Variants in TMEM132D observed in about 807,000 individuals in gnomAD.
The protein encoded by TMEM132D is transmembrane protein 132D, also known as mature OL transmembrane protein.
Under a neutral mutation model 62.3 loss-of-function variants are expected in TMEM132D, and 21 were observed. The observed-to-expected ratio is 0.34, with a 90% CI of 0.24 to 0.49. The LOEUF is 0.49. Ranked by LOEUF, TMEM132D falls within the 20% of genes least tolerant of loss-of-function variation. The pLI, the probability that TMEM132D is intolerant of heterozygous loss-of-function variation, is 0.99. For missense variants in TMEM132D, 1,346 were observed against 1,402.8 expected, an observed-to-expected ratio of 0.96 and a Z score of 0.65; for synonymous variants, 621 against 575.6, an observed-to-expected ratio of 1.08 and a Z score of -1.13.
intron 4 of TMEM132D, among the ~76,000 whole-genome samples, chr12:129,268,331 T>A (rs1880753253): frequency 6.6e-6 from 1 of 151,930 alleles, no homozygotes; most frequent in Non-Finnish European, 1.5e-5. Context: ...CTCAAACAAA[T>A]TTACAAGAAA....
intron 4 of TMEM132D, among the ~76,000 whole-genome samples, chr12:129,222,921 A>C (rs1879385817): frequency 6.6e-6 from 1 of 152,006 alleles, no homozygotes; most frequent in African/African-American, 2.4e-5. Context: ...CTACCAAAAA[A>C]AGGTAACTCT....
intron 5 of TMEM132D, among the ~76,000 whole-genome samples, chr12:129,159,332 G>A (rs897789290): frequency 3.3e-5 from 5 of 152,090 alleles, no homozygotes; most frequent in Admixed American, 6.5e-5. Context: ...ACCTGAAACC[G>A]GGCAGTGGCT....
At chr12:129,257,048 T>C (rs1248255502) in intron 4 of TMEM132D, among the ~76,000 whole-genome samples, 1 of 152,256 alleles carries the variant, frequency 6.6e-6, no homozygotes, top group East Asian at 1.9e-4. Flanking sequence ...GTGAGGTATA[T>C]TAGTCCACAC....
chr12:129,640,187 T>C (rs1379073288), intron 2 of TMEM132D, among the ~76,000 whole-genome samples: 1 of 152,136 alleles, frequency 6.6e-6, no homozygotes, highest in Non-Finnish European at 1.5e-5. Flanking sequence ...GCCTGCACCC[T>C]TTTTCTGGAA....
intron 2 of TMEM132D, among the ~76,000 whole-genome samples, chr12:129,541,437 A>G (rs1303445676): frequency 6.6e-6 from 1 of 152,216 alleles, no homozygotes; most frequent in African/African-American, 2.4e-5. Flanking sequence ...CATGCAGACC[A>G]GGTTTTCTCA....
At chr12:129,419,737 C>A (rs185158137) in intron 3 of TMEM132D, among the ~76,000 whole-genome samples, 1 of 152,250 alleles carries the variant, frequency 6.6e-6, no homozygotes, top group East Asian at 1.9e-4. Context: ...GTCTTTACTG[C>A]ATCTATAATT....
chr12:129,811,864 C>T (rs1872197329), intron 1 of TMEM132D, among the ~76,000 whole-genome samples: 1 of 151,674 alleles, frequency 6.6e-6, no homozygotes, highest in South Asian at 2.1e-4. Context: ...CCTCAGTCCC[C>T]CAACTCCAAG....
chr12:129,397,603 A>C lies in TMEM132D; in HGVS notation c.1116-59786T>G, dbSNP rs187939893. The stretch of plus-strand genomic sequence containing the variant: ...AACTGGGAACTTAGAATTCAGGAAA[A>C]CTATAAGAATGGTATCTTTCTATTT... On this transcript the variant is annotated intron_variant, in intron 3 of 8. Transcript: ENST00000422113. 1.8e-3 allele frequency among the ~76,000 whole-genome samples: 271 copies of C among 152,250 alleles called. 1 individual carries two copies. Among genetic ancestry groups the C allele is most frequent in the African/African-American group, 6.2e-3 (258 of 41,560 alleles).
chr12:129,215,559 C>T (rs1246132207), intron 4 of TMEM132D, among the ~76,000 whole-genome samples: 1 of 152,190 alleles, frequency 6.6e-6, no homozygotes, highest in Non-Finnish European at 1.5e-5. Flanking sequence ...TTCCTTTCTT[C>T]CTGCCCACTA....
At chr12:129,843,489 A>G (rs558782256) in intron 1 of TMEM132D, among the ~76,000 whole-genome samples, 1 of 152,310 alleles carries the variant, frequency 6.6e-6, no homozygotes, top group East Asian at 1.9e-4. Context: ...ATTTATTGAA[A>G]ACCACTACAC....
At chr12:129,573,094 C>T (rs1877563058) in intron 2 of TMEM132D, among the ~76,000 whole-genome samples, 1 of 152,136 alleles carries the variant, frequency 6.6e-6, no homozygotes, top group Admixed American at 6.5e-5. Context: ...GAGAGCAAAG[C>T]AGCTCTGTGT....
intron 2 of TMEM132D, among the ~76,000 whole-genome samples, chr12:129,582,348 C>T (rs553442471): frequency 1.1e-4 from 16 of 152,296 alleles, no homozygotes; most frequent in East Asian, 9.7e-4. Context: ...TAGTTTACTT[C>T]GGAGTGTGGT....
chr12:129,244,229 CAA>C (rs11357921), intron 4 of TMEM132D, among the ~76,000 whole-genome samples: 1 of 150,652 alleles, frequency 6.6e-6, no homozygotes, highest in African/African-American at 2.4e-5. Context: ...ACTAAAAATA[CAA>C]AAAAATTAGC....
intron 5 of TMEM132D, among the ~76,000 whole-genome samples, chr12:129,128,383 C>T (rs889254035): frequency 6.6e-6 from 1 of 152,090 alleles, no homozygotes; most frequent in African/African-American, 2.4e-5. Flanking sequence ...ACTTACAATC[C>T]TGGTGGAAGG....
At chr12:129,878,405 G>T (rs1179694033) in intron 1 of TMEM132D, among the ~76,000 whole-genome samples, 3 of 152,132 alleles carry the variant, frequency 2.0e-5, no homozygotes, top group Non-Finnish European at 4.4e-5. Context: ...CCTATTCTGT[G>T]CTGTGGGTTC....
rs572836245 is a variant in TMEM132D at position 129,502,267 on chromosome 12, G to A, written c.1115+28792C>T. 2.4e-3 allele frequency among the ~76,000 whole-genome samples: 362 copies of A among 152,268 alleles called. 1 individual carries two copies. Among genetic ancestry groups the A allele is most frequent in the Non-Finnish European group, 4.3e-3 (291 of 68,014 alleles). On this transcript the variant is annotated intron_variant, in intron 3 of 8. Transcript: ENST00000422113. ...ACCCGCCTCGGCCTCCCAAAGTGCT[G>A]GGATTACAAGCGTGAGCCACGGCGC...
chr12:129,317,561 C>T (rs753897529), intron 4 of TMEM132D, among the ~76,000 whole-genome samples: 21 of 152,184 alleles, frequency 1.4e-4, no homozygotes, highest in Admixed American at 4.6e-4. Context: ...GCTTCTGTCT[C>T]GCAGCTCTTA....
At chr12:129,888,563 G>C (rs1302039679) in intron 1 of TMEM132D, among the ~76,000 whole-genome samples, 1 of 152,096 alleles carries the variant, frequency 6.6e-6, no homozygotes. Context: ...AATTAGCTGG[G>C]CATGGTAGCA....
chr12:129,872,608 T>C (rs1460515699), intron 1 of TMEM132D, among the ~76,000 whole-genome samples: 1 of 152,242 alleles, frequency 6.6e-6, no homozygotes, highest in Non-Finnish European at 1.5e-5. Flanking sequence ...AGAAGAGTCA[T>C]GTTGTTGGGG....
Sources: allele counts gnomAD v4.1 joint callset (sites outside exome capture counted in the v4.1 genomes callset), GRCh38; gene constraint gnomAD v4.1.1; transcripts MANE v1.5; gene names NCBI Gene and HGNC (gene_info 2026-07-23, HGNC 2026-07-21).